Variants in UBE3D observed in about 807,000 individuals in gnomAD.
The protein encoded by UBE3D is E3 ubiquitin-protein ligase E3D.
A neutral mutation model predicts 49.6 loss-of-function variants in UBE3D; 48 were observed. The ratio of observed to expected loss-of-function variants is 0.97; its 90% CI spans 0.77 to 1.23. The LOEUF is 1.23. UBE3D is among the 50% of genes most tolerant of loss of function. UBE3D has a pLI of 0.00. For synonymous variants in UBE3D, 189 were observed against 174.2 expected, an observed-to-expected ratio of 1.08 and a Z score of -0.67; for missense variants, 452 against 468.4, an observed-to-expected ratio of 0.96 and a Z score of 0.32.
chr6:83,040,804 A>C (rs1420320713), intron 4 of UBE3D, among the ~76,000 whole-genome samples: 1 of 152,190 alleles, frequency 6.6e-6, no homozygotes, highest in Non-Finnish European at 1.5e-5. Flanking sequence ...TGACATCCTT[A>C]TCAGGCACAT....
chr6:83,024,570 G>T (rs1781319126), intron 5 of UBE3D, among the ~76,000 whole-genome samples: 1 of 152,052 alleles, frequency 6.6e-6, no homozygotes, highest in African/African-American at 2.4e-5. Flanking sequence ...CTGGAATTCG[G>T]GAATAATCAC....
intron 9 of UBE3D, among the ~76,000 whole-genome samples, chr6:82,915,093 A>G (rs1488696082): frequency 6.6e-6 from 1 of 152,120 alleles, no homozygotes; most frequent in Non-Finnish European, 1.5e-5. Context: ...ATATTTTTAG[A>G]AGCAAAAAGT....
At chr6:82,920,236 T>C (rs1773226942) in intron 9 of UBE3D, among the ~76,000 whole-genome samples, 1 of 152,188 alleles carries the variant, frequency 6.6e-6, no homozygotes, top group Admixed American at 6.5e-5. Flanking sequence ...CCAAAGTTTC[T>C]CTTCTTATCC....
intron 9 of UBE3D, among the ~76,000 whole-genome samples, chr6:82,921,714 G>A (rs1018167437): frequency 2.0e-5 from 3 of 151,976 alleles, no homozygotes; most frequent in Non-Finnish European, 4.4e-5. Flanking sequence ...CTATTTATGG[G>A]GCCTCACTAA....
intron 8 of UBE3D, among the ~76,000 whole-genome samples, chr6:82,999,991 T>C (rs1779510927): frequency 1.3e-5 from 2 of 152,196 alleles, no homozygotes; most frequent in South Asian, 4.1e-4. Flanking sequence ...TACTTTCTCC[T>C]TCTTAAAGCA....
At chr6:83,037,477 G>C (rs1393316374) in intron 5 of UBE3D, 1 of 152,114 alleles carries the variant, frequency 6.6e-6, no homozygotes, top group Non-Finnish European at 1.5e-5. Context: ...TTGCTTCAGA[G>C]GCTTGCTTTC....
chr6:83,015,719 T>C (rs1229625872), intron 8 of UBE3D, among the ~76,000 whole-genome samples: 2 of 152,088 alleles, frequency 1.3e-5, no homozygotes, highest in African/African-American at 4.8e-5. Flanking sequence ...ACAGAGGTAT[T>C]GGGGGTGGCT....
At chr6:83,009,212 G>T (rs541380344) in intron 8 of UBE3D, among the ~76,000 whole-genome samples, 1 of 152,100 alleles carries the variant, frequency 6.6e-6, no homozygotes. Flanking sequence ...AGACAAACTG[G>T]TACATCCATG....
chr6:82,974,220 C>A (rs1777551194), intron 8 of UBE3D, among the ~76,000 whole-genome samples: 1 of 152,044 alleles, frequency 6.6e-6, no homozygotes, highest in Non-Finnish European at 1.5e-5. Context: ...CCAAACCATC[C>A]CCCTACCATC....
At chr6:82,893,823 T>A (rs1771114252) in intron 9 of UBE3D, 1 of 152,184 alleles carries the variant, frequency 6.6e-6, no homozygotes, top group East Asian at 1.9e-4. Context: ...GTCAATTGCA[T>A]CAGGAAATTT....
intron 1 of UBE3D, among the ~76,000 whole-genome samples, chr6:83,065,382 A>G (rs1784424771): frequency 1.3e-5 from 2 of 152,176 alleles, no homozygotes; most frequent in South Asian, 4.1e-4. Context: ...GTTAAAATAT[A>G]AGTTTTGATT....
intron 8 of UBE3D, among the ~76,000 whole-genome samples, chr6:82,999,353 T>A (rs181896452): frequency 1.4e-4 from 22 of 152,230 alleles, no homozygotes; most frequent in African/African-American, 5.3e-4. Context: ...CTTTCTCATG[T>A]GTAATCAACC....
chr6:82,985,292 C>T (rs1582550605), intron 8 of UBE3D, among the ~76,000 whole-genome samples: 1 of 152,170 alleles, frequency 6.6e-6, no homozygotes, highest in East Asian at 1.9e-4. Flanking sequence ...AGGTTTTCCC[C>T]ACTCCAAGGT....
chr6:82,922,252 G>A (rs1312273269), intron 9 of UBE3D, among the ~76,000 whole-genome samples: 1 of 152,040 alleles, frequency 6.6e-6, no homozygotes, highest in South Asian at 2.1e-4. Flanking sequence ...TAAAGACATC[G>A]AATCAGCAGC....
chr6:82,995,510 A>ACACACACACACACACACACACACACACG (rs766604234), intron 8 of UBE3D, among the ~76,000 whole-genome samples: 2 of 151,556 alleles, frequency 1.3e-5, no homozygotes, highest in African/African-American at 4.9e-5. Flanking sequence ...ACACACACAC[A>ACACACACACACACACACACACACACACG]CACACAGTCA....
At chr6:83,044,253 T>C (rs1028995020) in intron 4 of UBE3D, among the ~76,000 whole-genome samples, 175 bp downstream of exon 4, 10 of 152,196 alleles carry the variant, frequency 6.6e-5, no homozygotes, top group Non-Finnish European at 1.3e-4. Context: ...TGTTTTAGTT[T>C]AAAGCCATAT....
intron 4 of UBE3D, among the ~76,000 whole-genome samples, chr6:83,044,011 T>C (rs1782852649): frequency 6.6e-6 from 1 of 152,182 alleles, no homozygotes. Context: ...TCAGCAGAAG[T>C]CTAGACTATG....
At position 83,038,574 on chromosome 6, in the gene UBE3D, GA is replaced by G. The variant is rs979364051; in HGVS notation, c.598-90del. 1.9e-5 allele frequency: 22 copies of G among 1,143,658 alleles called. No homozygotes were observed. The African/African-American group carries it at 3.5e-4, about 18-fold the overall frequency. 70.8% of individuals were successfully genotyped at this position (1,143,658 alleles called of 1,614,324 possible). ...TAACATAGTCCCCAGAGTATACATT[GA>G]ACTTTACATTTTATTCTGCCCTCTA... On this transcript the variant is annotated intron_variant, in intron 4 of 9. Coordinates refer to ENST00000369747, the MANE Select transcript of UBE3D (RefSeq NM_198920.3).
At chr6:82,943,119 A>T (rs926712679) in intron 9 of UBE3D, among the ~76,000 whole-genome samples, 4 of 152,212 alleles carry the variant, frequency 2.6e-5, no homozygotes, top group African/African-American at 9.6e-5. Context: ...GAACTTTAAG[A>T]TTTAATGACT....
Sources: allele counts gnomAD v4.1 joint callset (sites outside exome capture counted in the v4.1 genomes callset), GRCh38; gene constraint gnomAD v4.1.1; transcripts MANE v1.5; gene names NCBI Gene and HGNC (gene_info 2026-07-23, HGNC 2026-07-21).